The following CAMTA1 variants were observed in gnomAD, a reference collection of about 807,000 sequenced individuals.
The protein encoded by CAMTA1 is calmodulin-binding transcription activator 1.
Under a neutral mutation model 170.9 loss-of-function variants are expected in CAMTA1, and 27 were observed. The observed-to-expected ratio is 0.16, with a 90% CI of 0.12 to 0.22. CAMTA1 has a LOEUF of 0.22. Ranked by LOEUF, CAMTA1 falls within the 10% of genes least tolerant of loss-of-function variation. CAMTA1 has a pLI of 1.00. For missense variants in CAMTA1, 1,619 were observed against 2,217.2 expected (o/e 0.73, Z 5.42); for synonymous variants, 833 against 891.5 (o/e 0.93, Z 1.17).
intron 5 of CAMTA1, among the ~76,000 whole-genome samples, chr1:7,433,830 C>A (rs2092259899): frequency 6.6e-6 from 1 of 152,126 alleles, no homozygotes; most frequent in Admixed American, 6.5e-5. Context: ...CCTGACTGTC[C>A]TGGTATCAAC....
At chr1:7,298,054 C>T (rs758049529) in intron 5 of CAMTA1, among the ~76,000 whole-genome samples, 2 of 152,134 alleles carry the variant, frequency 1.3e-5, no homozygotes, top group Non-Finnish European at 2.9e-5. Context: ...TTGAGTCAAA[C>T]AATTTATAAT....
Position 7,736,562 on chromosome 1 carries a change from C to G in CAMTA1, c.3263+22C>G, listed in dbSNP as rs2096773877. 6.2e-7 allele frequency: 1 copy of G among 1,610,590 alleles called. No individual in the cohort carries two copies. The highest frequency in any genetic ancestry group is 1.3e-5 in the African/African-American group (1 of 74,890). ...GGCGGTAAGGCTGTGGTGCAGCTGGCTGGGGGTCAGCCTCGCACATCCTCG... is the reference window on the plus strand; with the variant it reads ...GGCGGTAAGGCTGTGGTGCAGCTGGGTGGGGGTCAGCCTCGCACATCCTCG... On this transcript the variant is annotated intron_variant, in intron 13 of 22. Transcript: ENST00000303635. The surrounding 1 kb of genome is among the most constrained non-coding windows in gnomAD (Gnocchi z 4.5).
Position 7,386,485 on chromosome 1 carries a change from C to G in CAMTA1, c.439-81345C>G, listed in dbSNP as rs544546542. ...GGGTTTCCAGCCATGGCTGGGCCCT[C>G]AGCCTGCTCGGTGGAGCATCTCATC... On this transcript the variant is annotated intron_variant, in intron 5 of 22. Coordinates refer to ENST00000303635, the MANE Select transcript of CAMTA1 (RefSeq NM_015215.4). Among the ~76,000 whole-genome samples, 14 of 152,332 alleles carry G rather than the reference C, an allele frequency of 9.2e-5. No individual in the cohort carries two copies. The East Asian group carries it at 2.7e-3, about 30-fold the overall frequency.
chr1:7,661,949 G>C (rs941592454), intron 8 of CAMTA1, 83 bp downstream of exon 8: 2 of 1,462,070 alleles, frequency 1.4e-6, no homozygotes, highest in Non-Finnish European at 9.2e-7. Flanking sequence ...TCCTCTGTGG[G>C]AGTAGCCATG....
At chr1:6,800,533 G>C (rs958267937) in intron 1 of CAMTA1, among the ~76,000 whole-genome samples, 1 of 152,050 alleles carries the variant, frequency 6.6e-6, no homozygotes. Flanking sequence ...TCATAGTTTT[G>C]GAAAATAGAC....
At chr1:6,914,352 T>G (rs1460959336) in intron 3 of CAMTA1, among the ~76,000 whole-genome samples, 1 of 152,238 alleles carries the variant, frequency 6.6e-6, no homozygotes, top group Non-Finnish European at 1.5e-5. Context: ...ATCTGCTGCC[T>G]TGGCCTCCCA....
intron 5 of CAMTA1, among the ~76,000 whole-genome samples, chr1:7,290,147 A>T (rs566373402): frequency 6.6e-6 from 1 of 152,222 alleles, no homozygotes; most frequent in Non-Finnish European, 1.5e-5. Context: ...TACAATTGCC[A>T]TGAAAATGTG....
intron 5 of CAMTA1, among the ~76,000 whole-genome samples, chr1:7,380,365 G>A (rs1253662531): frequency 6.6e-6 from 1 of 151,998 alleles, no homozygotes; most frequent in Non-Finnish European, 1.5e-5. Context: ...ACCTGTGGTC[G>A]GGAGTTTGAG....
At chr1:7,281,419 T>C (rs778845039) in intron 5 of CAMTA1, among the ~76,000 whole-genome samples, 2 of 152,186 alleles carry the variant, frequency 1.3e-5, no homozygotes, top group Non-Finnish European at 2.9e-5. Flanking sequence ...GGTAGGTAGA[T>C]GTCCTGAAAA....
At chr1:6,901,317 C>T (rs183906103) in intron 3 of CAMTA1, among the ~76,000 whole-genome samples, 112 of 152,210 alleles carry the variant, frequency 7.4e-4, no homozygotes, top group African/African-American at 2.6e-3. Flanking sequence ...TTTTCATGAC[C>T]TTGGGTTAGC....
At chr1:7,733,365 C>T (rs1197795879) in intron 12 of CAMTA1, among the ~76,000 whole-genome samples, 1 of 152,154 alleles carries the variant, frequency 6.6e-6, no homozygotes, top group East Asian at 1.9e-4. Context: ...TTTATAAACT[C>T]AAGGTCAGTA....
In CAMTA1 at chr1:6,993,728, C is replaced by G. The variant is rs1361355053; in HGVS notation, c.235-97576C>G. Among the ~76,000 whole-genome samples, 4 of 152,140 alleles carry G rather than the reference C, an allele frequency of 2.6e-5. No homozygotes were observed. The East Asian group carries it at 7.7e-4, about 29-fold the overall frequency. The stretch of plus-strand genomic sequence containing the variant: ...TGTATGTTTTTTTATCTATTGCTTT[C>G]TTTGTCTTTCTATTTAAAATGTGTT... On this transcript the variant is annotated intron_variant, in intron 3 of 22. Transcript: ENST00000303635.
intron 3 of CAMTA1, among the ~76,000 whole-genome samples, chr1:6,954,962 G>A (rs570230938): frequency 4.6e-5 from 7 of 152,158 alleles, no homozygotes; most frequent in Admixed American, 6.5e-5. Flanking sequence ...TTTCGATTTC[G>A]CTTCACTTCC....
At chr1:7,448,133 TC>T (rs1197160446) in intron 5 of CAMTA1, among the ~76,000 whole-genome samples, 1 of 152,098 alleles carries the variant, frequency 6.6e-6, no homozygotes, top group Non-Finnish European at 1.5e-5. Flanking sequence ...CCAAGCCCAG[TC>T]CCCGCACCTC....
chr1:7,465,979 T>G (rs2093201875), intron 5 of CAMTA1, among the ~76,000 whole-genome samples: 1 of 152,220 alleles, frequency 6.6e-6, no homozygotes, highest in East Asian at 1.9e-4. Context: ...TGGAAACCTC[T>G]TATTTCAAAG....
intron 6 of CAMTA1, among the ~76,000 whole-genome samples, chr1:7,501,565 A>C (rs1239285874): frequency 6.6e-6 from 1 of 151,940 alleles, no homozygotes; most frequent in African/African-American, 2.4e-5. Context: ...TACCAAATTT[A>C]GCAAATGAAA....
chr1:7,287,757 C>G (rs536055468), intron 5 of CAMTA1, among the ~76,000 whole-genome samples: 1 of 152,302 alleles, frequency 6.6e-6, no homozygotes, highest in Admixed American at 6.5e-5. Context: ...CAGAGTGGTT[C>G]CCCTCCAGGT....
At chr1:7,454,288 A>G (rs763398673) in intron 5 of CAMTA1, among the ~76,000 whole-genome samples, 2 of 152,168 alleles carry the variant, frequency 1.3e-5, no homozygotes, top group African/African-American at 2.4e-5. Flanking sequence ...TATTAGGAGG[A>G]TCCTGCTGTA....
rs1159616769 is a variant in CAMTA1 at position 7,570,687 on chromosome 1, C to T, written c.511-69713C>T. The stretch of plus-strand genomic sequence containing the variant: ...ACCAAGGCCAAGGTCCTGTCAGCCT[C>T]CTGCTGTGTCAGCACAGACCCTGCC... On this transcript the variant is annotated intron_variant, in intron 6 of 22. Coordinates refer to ENST00000303635, the MANE Select transcript of CAMTA1 (RefSeq NM_015215.4). The surrounding 1 kb of genome is among the most constrained non-coding windows in gnomAD (Gnocchi z 4.3). Among the ~76,000 whole-genome samples, 1 of 152,250 alleles carries T rather than the reference C, an allele frequency of 6.6e-6. No homozygotes were observed. The highest frequency in any genetic ancestry group is 2.4e-5 in the African/African-American group (1 of 41,456).
Sources: gnomAD v4.1 joint callset for allele counts (sites outside exome capture counted in the v4.1 genomes callset) on GRCh38, gnomAD v4.1.1 for gene constraint, Gnocchi (gnomAD v3.1) non-coding constraint, MANE v1.5 for transcripts, NCBI Gene and HGNC (gene_info 2026-07-23, HGNC 2026-07-21) for gene names.